The following ADAP1 variants were observed in gnomAD, a reference collection of about 807,000 sequenced individuals.
ADAP1 encodes the protein ArfGAP with dual PH domains 1.
In ADAP1, 31 loss-of-function variants were observed where a neutral mutation model predicts 54.9. The ratio of observed to expected loss-of-function variants is 0.56; its 90% confidence interval spans 0.42 to 0.76. The LOEUF (loss-of-function observed/expected upper bound fraction) is 0.76, where lower values mean the gene tolerates loss of function less well. Ranked by LOEUF, ADAP1 falls within the 30% of genes least tolerant of loss-of-function variation. The pLI is 0.00. For synonymous variants in ADAP1, 313 were observed against 202.6 expected (o/e 1.55, Z -4.63); for missense variants, 535 against 512.4 (o/e 1.04, Z -0.42).
chr7:900,875 A>AGGGCT (rs1844769688), intron 6 of ADAP1: 2 of 616,898 alleles, frequency 3.2e-6, no homozygotes. Flanking sequence ...GAAGGGCCGA[A>AGGGCT]GGGCCGAAGG....
Position 926,850 on chromosome 7 carries a change from C to T in ADAP1, c.214-206G>A. The T allele has an allele frequency of 1.3e-6, 1 of 792,180 alleles. No individual in the cohort carries two copies. Among genetic ancestry groups the T allele is most frequent in the Middle Eastern group, 3.8e-4 (1 of 2,606 alleles). The allele number at this position is 792,180 out of a possible 1,614,324, so 49.1% of individuals were successfully genotyped here. A position where few individuals can be genotyped will look rare whatever the true frequency, so the allele number is the denominator to read the frequency against. On this transcript the variant is annotated intron_variant, in intron 2 of 10. Coordinates refer to ENST00000265846, the MANE Select transcript of ADAP1 (RefSeq NM_006869.4). The surrounding 1 kb of genome is among the most constrained non-coding windows in gnomAD (Gnocchi z 4.6). The stretch of plus-strand genomic sequence containing the variant: ...ACCCTCCCCTGGGACAGGGAAGGAG[C>T]CAGCGTCCCTAACGACGGGGTCCCG...
intron 4 of ADAP1, among the ~76,000 whole-genome samples, chr7:915,269 C>T (rs1318205481): frequency 6.6e-6 from 1 of 152,148 alleles, no homozygotes; most frequent in African/African-American, 2.4e-5. Flanking sequence ...GTGCCGCACA[C>T]ACCCGTACAT....
intron 6 of ADAP1, among the ~76,000 whole-genome samples, chr7:903,549 C>G (rs1169490143): frequency 1.3e-5 from 2 of 152,200 alleles, no homozygotes; most frequent in African/African-American, 4.8e-5. Flanking sequence ...AACAAAGAGG[C>G]TGGGCCCACC....
chr7:953,759 T>C (rs1240181259), intron 1 of ADAP1, among the ~76,000 whole-genome samples: 4 of 152,182 alleles, frequency 2.6e-5, no homozygotes, highest in Admixed American at 2.6e-4. Flanking sequence ...CCCACAGACC[T>C]GGGAACCGAG....
chr7:904,408 G>A (rs191647186), intron 5 of ADAP1, 136 bp from the exon 6 acceptor site: 5 of 1,146,554 alleles, frequency 4.4e-6, no homozygotes, highest in South Asian at 3.2e-5. Flanking sequence ...TAAGCGCTCT[G>A]AGCCTTGGCC....
intron 6 of ADAP1, among the ~76,000 whole-genome samples, chr7:903,266 A>T (rs907571434): frequency 6.6e-6 from 1 of 152,200 alleles, no homozygotes; most frequent in Non-Finnish European, 1.5e-5. Flanking sequence ...ACCCAGGGTC[A>T]GATGCCAGCG....
At chr7:905,511 AGAAGGGAGAAG>A (rs1845153693) in intron 4 of ADAP1, 2 of 29,652 alleles carry the variant, frequency 6.7e-5, no homozygotes, top group African/African-American at 1.5e-4. Flanking sequence ...GGGAGAAGGG[AGAAGGGAGAAG>A]GGAGAAGGGA....
rs1001750337 is a variant in ADAP1, at chr7:898,274, C to T, written c.*647G>A. ...CCAAGGGTTCAGACACCACTGTCGGCGAGCACCGTGCTGGGCGCAGAGGCC... is the reference window on the plus strand; with the variant it reads ...CCAAGGGTTCAGACACCACTGTCGGTGAGCACCGTGCTGGGCGCAGAGGCC... On this transcript the variant is annotated 3_prime_UTR_variant, in exon 11 of 11. Coordinates refer to ENST00000265846, the MANE Select transcript of ADAP1 (RefSeq NM_006869.4). 5 of 157,260 alleles carry T rather than the reference C, an allele frequency of 3.2e-5. No individual in the cohort carries two copies. Among genetic ancestry groups the T allele is most frequent in the East Asian group, 3.8e-4 (2 of 5,306 alleles). 9.7% of individuals were successfully genotyped at this position (157,260 alleles called of 1,614,324 possible). A position where few individuals can be genotyped will look rare whatever the true frequency, so the allele number is the denominator to read the frequency against.
At chr7:927,220 C>CGCCGT in intron 2 of ADAP1, 1 of 1,271,924 alleles carries the variant, frequency 7.9e-7, no homozygotes, top group South Asian at 1.3e-5. Context: ...AAGGAAACGG[C>CGCCGT]GCCGTGAAGG....
intron 6 of ADAP1, 95 bp downstream of exon 6, chr7:904,031 T>A: frequency 6.5e-7 from 1 of 1,538,672 alleles, no homozygotes; most frequent in Non-Finnish European, 8.8e-7. Flanking sequence ...GTGCCTACCC[T>A]CCCGTACCGT....
Position 945,797 on chromosome 7 carries a change from A to G in ADAP1, c.82+8599T>C, listed in dbSNP as rs1316003654. The stretch of plus-strand genomic sequence containing the variant: ...GACGCCCGAGGTGACTCAGCCGCTC[A>G]CCATTTCCGGAGCTGGTCTGGGGCA... On this transcript the variant is annotated intron_variant, in intron 1 of 10. Coordinates refer to ENST00000265846, the MANE Select transcript of ADAP1 (RefSeq NM_006869.4). This position sits in a 1 kb window ranked among gnomAD's most constrained non-coding sequence, Gnocchi z 4.2. 2.0e-6 allele frequency: 2 copies of G among 985,408 alleles called. No individual in the cohort carries two copies. The highest frequency in any genetic ancestry group is 1.7e-5 in the African/African-American group (1 of 57,240). The allele number at this position is 985,408 out of a possible 1,614,324, so 61.0% of individuals were successfully genotyped here. A position where few individuals can be genotyped will look rare whatever the true frequency, so the allele number is the denominator to read the frequency against.
chr7:905,668 GAGAAAGGGAAAGGA>G (rs1845195651), intron 4 of ADAP1: 2 of 185,506 alleles, frequency 1.1e-5, no homozygotes, highest in Admixed American at 6.3e-5. Flanking sequence ...AAGGAGAAAG[GAGAAAGGGAAAGGA>G]GAAAGGAGAA....
chr7:919,824 G>T, intron 4 of ADAP1, 144 bp downstream of exon 4: 1 of 258,850 alleles, frequency 3.9e-6, no homozygotes, highest in Non-Finnish European at 6.7e-6. Flanking sequence ...GGGAGATGGG[G>T]GAGGGAGGGA....
At chr7:935,555 A>T (rs1260988061) in intron 1 of ADAP1, 50 bp from the exon 2 acceptor site, 8 of 1,546,756 alleles carry the variant, frequency 5.2e-6, no homozygotes. Context: ...GGGACCCCGG[A>T]GGGAGGGTGG....
chr7:904,033 C>T (rs1844958466), intron 6 of ADAP1, 93 bp downstream of exon 6: 1 of 1,548,622 alleles, frequency 6.5e-7, no homozygotes, highest in Non-Finnish European at 8.7e-7. Flanking sequence ...GCCTACCCTC[C>T]CGTACCGTCC....
In ADAP1 at chr7:946,014, C is replaced by T. The variant is rs138921163; in HGVS notation, c.82+8382G>A. ...GATCCCGGTGCAATCGAGGCCGGGT[C>T]GGACGCTGGCTCTGGCCAGGCACGC... On this transcript the variant is annotated intron_variant, in intron 1 of 10. Coordinates refer to ENST00000265846, the MANE Select transcript of ADAP1 (RefSeq NM_006869.4). The surrounding 1 kb of genome is among the most constrained non-coding windows in gnomAD (Gnocchi z 4.3). Among the ~76,000 whole-genome samples, 4 of 152,198 alleles carry T rather than the reference C, an allele frequency of 2.6e-5. No individual in the cohort carries two copies. The highest frequency in any genetic ancestry group is 5.9e-5 in the Non-Finnish European group (4 of 68,020).
At position 926,704 on chromosome 7, in the gene ADAP1, C is replaced by G. The variant is rs1472692480; in HGVS notation, c.214-60G>C. On this transcript the variant is annotated intron_variant, in intron 2 of 10. Transcript: ENST00000265846. This position sits in a 1 kb window ranked among gnomAD's most constrained non-coding sequence, Gnocchi z 4.6. ...GGTCCCAGGGGCAGCCTAGGAGGTGCCAGCTGCCCTTGGGGCCGTCACCAC... is the reference window on the plus strand; with the variant it reads ...GGTCCCAGGGGCAGCCTAGGAGGTGGCAGCTGCCCTTGGGGCCGTCACCAC... The G allele has an allele frequency of 7.3e-7, 1 of 1,370,992 alleles. No individual in the cohort carries two copies. The highest frequency in any genetic ancestry group is 9.8e-7 in the Non-Finnish European group (1 of 1,020,324). 84.9% of individuals were successfully genotyped at this position (1,370,992 alleles called of 1,614,324 possible).
rs1009486368 is a variant in ADAP1, at chr7:903,843, T to C, written c.648+283A>G. Reference sequence around the variant, plus strand: ...CCCCCACTGACAGGGCCAAGCTGGGTGGCCCCAGAGACAGCGTGGTGATCC... The same window carrying C: ...CCCCCACTGACAGGGCCAAGCTGGGCGGCCCCAGAGACAGCGTGGTGATCC... On this transcript the variant is annotated intron_variant, in intron 6 of 10. Coordinates refer to ENST00000265846, the MANE Select transcript of ADAP1 (RefSeq NM_006869.4). 1.7e-5 allele frequency: 6 copies of C among 356,056 alleles called. No individual in the cohort carries two copies. In the East Asian group the frequency reaches 2.6e-4, roughly 15 times the overall value. 22.1% of individuals were successfully genotyped at this position (356,056 alleles called of 1,614,324 possible). A position where few individuals can be genotyped will look rare whatever the true frequency, so the allele number is the denominator to read the frequency against.
chr7:942,701 G>C (rs1846988948), intron 1 of ADAP1, among the ~76,000 whole-genome samples: 1 of 44,064 alleles, frequency 2.3e-5, no homozygotes, highest in Admixed American at 1.8e-4. Context: ...GGGAGGAGGA[G>C]GAAGGGAGAG....
Sources: gnomAD v4.1 joint callset for allele counts (sites outside exome capture counted in the v4.1 genomes callset) on GRCh38, gnomAD v4.1.1 for gene constraint, Gnocchi (gnomAD v3.1) non-coding constraint, MANE v1.5 for transcripts, NCBI Gene and HGNC (gene_info 2026-07-23, HGNC 2026-07-21) for gene names.